VWA3B: variants seen among roughly 807,000 people sequenced by gnomAD.
The protein encoded by VWA3B is von Willebrand factor A domain containing 3B.
A neutral mutation model predicts 158.3 loss-of-function variants in VWA3B; 138 were observed. That is an observed-to-expected ratio of 0.87 (90% confidence interval 0.76 to 1.00). The LOEUF (loss-of-function observed/expected upper bound fraction) is 1.00. Ranked by LOEUF, VWA3B falls within the 50% of genes least tolerant of loss-of-function variation. The pLI is 0.00. For synonymous variants in VWA3B, 596 were observed against 587.3 expected, an observed-to-expected ratio of 1.01 and a Z score of -0.21; for missense variants, 1,555 against 1,565.1, an observed-to-expected ratio of 0.99 and a Z score of 0.11.
chr2:98,113,373 G>T (rs536960041), intron 2 of VWA3B, among the ~76,000 whole-genome samples: 1 of 152,158 alleles, frequency 6.6e-6, no homozygotes, highest in East Asian at 1.9e-4. Context: ...TATATGAAAA[G>T]TTGGCCCTCT....
At chr2:98,265,416 G>A (rs1687749492) in intron 21 of VWA3B, among the ~76,000 whole-genome samples, 1 of 151,774 alleles carries the variant, frequency 6.6e-6, no homozygotes, top group Admixed American at 6.6e-5. Flanking sequence ...GTGTATATGT[G>A]CCACATTTTC....
At chr2:98,213,467 G>A (rs112817945) in intron 13 of VWA3B, among the ~76,000 whole-genome samples, 45 of 152,328 alleles carry the variant, frequency 3.0e-4, no homozygotes, top group African/African-American at 1.0e-3. Flanking sequence ...CAGCAGGAAT[G>A]GGAGGAGGGG....
chr2:98,188,261 T>A, intron 10 of VWA3B, 132 bp downstream of exon 10: 1 of 1,211,322 alleles, frequency 8.3e-7, no homozygotes. Flanking sequence ...TACAGAGTGA[T>A]ATTTAGGTGT....
At chr2:98,184,499 C>T (rs1456881165) in intron 9 of VWA3B, among the ~76,000 whole-genome samples, 2 of 152,218 alleles carry the variant, frequency 1.3e-5, no homozygotes, top group African/African-American at 4.8e-5. Context: ...TTTTGAGCTG[C>T]CCAGTAGTCT....
chr2:98,267,964 C>T (rs1475588816), intron 21 of VWA3B, among the ~76,000 whole-genome samples: 1 of 152,110 alleles, frequency 6.6e-6, no homozygotes, highest in Admixed American at 6.5e-5. Context: ...TTCCTAGACA[C>T]ATACACTCTC....
chr2:98,267,993 G>T (rs1334953986), intron 21 of VWA3B, among the ~76,000 whole-genome samples: 1 of 152,058 alleles, frequency 6.6e-6, no homozygotes, highest in African/African-American at 2.4e-5. Context: ...AAACCAGGAA[G>T]AAATTGAATC....
At chr2:98,228,110 G>A (rs1438691017) in intron 14 of VWA3B, 92 bp from the exon 15 acceptor site, 6 of 1,421,592 alleles carry the variant, frequency 4.2e-6, no homozygotes, top group Non-Finnish European at 5.6e-6. Context: ...GCAACATAGT[G>A]AACCTCTTGT....
At chr2:98,261,497 C>T (rs1041716614) in intron 21 of VWA3B, among the ~76,000 whole-genome samples, 1 of 151,728 alleles carries the variant, frequency 6.6e-6, no homozygotes, top group Non-Finnish European at 1.5e-5. Flanking sequence ...TTTACTAGTA[C>T]TATTTATTTC....
chr2:98,205,228 G>A (rs1682916134), intron 12 of VWA3B, among the ~76,000 whole-genome samples: 1 of 152,128 alleles, frequency 6.6e-6, no homozygotes, highest in Admixed American at 6.5e-5. Flanking sequence ...AACTATTCAG[G>A]TTGTCAGTTT....
intron 12 of VWA3B, 93 bp downstream of exon 12, chr2:98,194,585 T>G: frequency 1.6e-5 from 23 of 1,472,726 alleles, no homozygotes; most frequent in Middle Eastern, 1.8e-4. Context: ...GAGAGGTGTT[T>G]TGCACTCTCA....
At chr2:98,192,246 G>C (rs1389235933) in intron 10 of VWA3B, 1 of 152,814 alleles carries the variant, frequency 6.5e-6, no homozygotes, top group African/African-American at 2.4e-5. Context: ...TCCGTGTGAA[G>C]AGACCACCAA....
Position 98,279,280 on chromosome 2 carries a change from T to C in VWA3B, c.3045+8397T>C, listed in dbSNP as rs557549990. On this transcript the variant is annotated intron_variant, in intron 22 of 27. Coordinates refer to ENST00000477737, the MANE Select transcript of VWA3B (RefSeq NM_144992.5). ...GTCCTGATGTTCAGGAATGGGAAGG[T>C]GGGTGTCAACTCTGGGGATCCCTGA... Among the ~76,000 whole-genome samples the C allele has an allele frequency of 7.9e-5, 12 of 152,220 alleles. No individual in the cohort carries two copies. The Middle Eastern group carries it at 0.014, about 173-fold the overall frequency.
intron 22 of VWA3B, among the ~76,000 whole-genome samples, chr2:98,277,013 T>G (rs1214587871): frequency 6.6e-6 from 1 of 152,126 alleles, no homozygotes; most frequent in East Asian, 1.9e-4. Flanking sequence ...CTTTTTATGC[T>G]CCAGCTTCCA....
At position 98,161,959 on chromosome 2, in the gene VWA3B, G is replaced by A. The variant is rs373991489; in HGVS notation, c.989-892G>A. ...TGACCTCCATTGATCTGCCCGCCTC[G>A]GCCTCCCAAAGTTTTACAGGATTAC... On this transcript the variant is annotated intron_variant, in intron 7 of 27. Transcript: ENST00000477737. Among the ~76,000 whole-genome samples, 51 of 152,196 alleles carry A rather than the reference G, an allele frequency of 3.4e-4. No individual in the cohort carries two copies. In the East Asian group the frequency reaches 5.4e-3, roughly 16 times the overall value.
intron 12 of VWA3B, among the ~76,000 whole-genome samples, chr2:98,205,488 A>G (rs917876972): frequency 3.3e-5 from 5 of 151,554 alleles, no homozygotes; most frequent in East Asian, 1.9e-4. Context: ...TGTTTTATCA[A>G]TTTTCTCTAT....
At chr2:98,222,836 T>C (rs1023713941) in intron 14 of VWA3B, among the ~76,000 whole-genome samples, 8 of 152,174 alleles carry the variant, frequency 5.3e-5, no homozygotes, top group African/African-American at 1.9e-4. Flanking sequence ...TCTCACATGC[T>C]AAATTTAAGC....
intron 8 of VWA3B, among the ~76,000 whole-genome samples, chr2:98,171,838 AGGG>A (rs1488044004): frequency 2.0e-5 from 3 of 152,166 alleles, no homozygotes; most frequent in African/African-American, 7.2e-5. Context: ...GGCAGGTATG[AGGG>A]AGACTTTGGG....
downstream of VWA3B, among the ~76,000 whole-genome samples, chr2:98,316,545 G>A (rs377547272): frequency 2.0e-5 from 3 of 151,882 alleles, no homozygotes; most frequent in African/African-American, 7.3e-5. Flanking sequence ...TTGGGGTGGG[G>A]CTGAAGTGGG....
chr2:98,228,520 T>G (rs916965510), intron 15 of VWA3B, among the ~76,000 whole-genome samples, 188 bp downstream of exon 15: 1 of 152,222 alleles, frequency 6.6e-6, no homozygotes, highest in African/African-American at 2.4e-5. Context: ...TTAATTTAAT[T>G]GTGGGCTTGA....
Sources: gnomAD v4.1 joint callset for allele counts (sites outside exome capture counted in the v4.1 genomes callset) on GRCh38, gnomAD v4.1.1 for gene constraint, MANE v1.5 for transcripts, NCBI Gene and HGNC (gene_info 2026-07-23, HGNC 2026-07-21) for gene names.